Variants in SPATA13 observed in about 807,000 individuals in gnomAD.
SPATA13 encodes the protein spermatogenesis-associated protein 13.
SPATA13 carries 50 observed loss-of-function variants against 104.0 expected under a neutral mutation model. The observed-to-expected ratio is 0.48, with a 90% CI of 0.38 to 0.61. The LOEUF (loss-of-function observed/expected upper bound fraction) is 0.61. Ranked by LOEUF, SPATA13 falls within the 20% of genes least tolerant of loss-of-function variation. The pLI, the probability that SPATA13 is intolerant of heterozygous loss-of-function variation, is 0.00. For missense variants in SPATA13, 1,524 were observed against 1,690.6 expected, an observed-to-expected ratio of 0.90 and a Z score of 1.73; for synonymous variants, 606 against 667.5, an observed-to-expected ratio of 0.91 and a Z score of 1.42.
At chr13:24,174,457 AT>A (rs963861741) in intron 1 of SPATA13, among the ~76,000 whole-genome samples, 2 of 151,620 alleles carry the variant, frequency 1.3e-5, no homozygotes, top group Non-Finnish European at 2.9e-5. Flanking sequence ...TTATATGAGC[AT>A]TTCGTGCTAT....
At chr13:24,127,700 C>T (rs780089698) in intron 3 of SPATA13, among the ~76,000 whole-genome samples, 18 of 152,138 alleles carry the variant, frequency 1.2e-4, no homozygotes, top group Admixed American at 1.0e-3. Flanking sequence ...AGATAATATG[C>T]GCCCATCAAT....
At chr13:24,044,798 G>A (rs551194308) in intron 3 of SPATA13, among the ~76,000 whole-genome samples, 1 of 149,252 alleles carries the variant, frequency 6.7e-6, no homozygotes. Context: ...AGGCACAGAA[G>A]GACAAATACT....
At chr13:23,991,233 C>G (rs1875399214) in intron 2 of SPATA13, among the ~76,000 whole-genome samples, 2 of 152,160 alleles carry the variant, frequency 1.3e-5, no homozygotes, top group Non-Finnish European at 2.9e-5. Context: ...CGTCTAAGAA[C>G]CTGTGCTGTC....
intron 1 of SPATA13, among the ~76,000 whole-genome samples, chr13:24,167,777 T>C (rs938017674): frequency 3.3e-5 from 5 of 152,258 alleles, no homozygotes; most frequent in Non-Finnish European, 7.3e-5. Flanking sequence ...CATGTATTTC[T>C]AAACATTATT....
intron 4 of SPATA13, among the ~76,000 whole-genome samples, chr13:24,269,859 G>A (rs571017177): frequency 2.7e-5 from 4 of 149,660 alleles, no homozygotes; most frequent in Non-Finnish European, 4.4e-5. Context: ...AAAGTGTTGG[G>A]ATTACAGGTG....
intron 4 of SPATA13, chr13:24,270,858 A>T: frequency 6.2e-7 from 1 of 1,612,720 alleles, no homozygotes. Flanking sequence ...AAACAGAAGG[A>T]TGGTAGCTAG....
rs75353251 is a variant in SPATA13 at position 24,057,545 on chromosome 13, G to A, written c.-112+39844G>A. Among the ~76,000 whole-genome samples, 461 of 152,266 alleles carry A rather than the reference G, an allele frequency of 3.0e-3. 1 individual carries two copies. The highest frequency in any genetic ancestry group is 0.011 in the African/African-American group (438 of 41,536). The stretch of plus-strand genomic sequence containing the variant: ...CTGCATGAATGTCTTATGACCAAAG[G>A]CACTGAAAGGACTGGTGCAGGGCTG... On this transcript the variant is annotated intron_variant, in intron 3 of 14. Transcript: ENST00000424834.
intron 3 of SPATA13, chr13:24,122,823 A>G (rs1881081490): frequency 5.2e-6 from 4 of 774,368 alleles, no homozygotes; most frequent in Admixed American, 3.4e-5. Context: ...CAAACTGTGC[A>G]CTAAAGAGAA....
chr13:24,303,390 C>T lies in SPATA13; in HGVS notation c.*617C>T. 1 of 202,744 alleles carries T rather than the reference C, an allele frequency of 4.9e-6. No individual in the cohort carries two copies. The highest frequency in any genetic ancestry group is 5.8e-5 in the Admixed American group (1 of 17,198). 12.6% of individuals were successfully genotyped at this position (202,744 alleles called of 1,614,324 possible). ...ATGTCATCCTGCAAGGTTCCTCTTCCTGCAAGCAAAGTGGAGAGAAAGAAG... is the reference window on the plus strand; with the variant it reads ...ATGTCATCCTGCAAGGTTCCTCTTCTTGCAAGCAAAGTGGAGAGAAAGAAG... On this transcript the variant is annotated 3_prime_UTR_variant, in exon 13 of 13. Transcript: ENST00000382108.
rs1461150753 is a variant in SPATA13, at chr13:24,136,501, AAGTG to A, written c.-111-86315_-111-86312del. ...AAAAAAGAAAGAGAAGAAAGAAAGAAAGTGAGAGAGAGGGAGAGAGAAAAAGAGA... is the reference window on the plus strand; with the variant it reads ...AAAAAAGAAAGAGAAGAAAGAAAGAAAGAGAGAGGGAGAGAGAAAAAGAGA... On this transcript the variant is annotated intron_variant, in intron 3 of 14. Coordinates refer to the SPATA13 transcript ENST00000424834. Among the ~76,000 whole-genome samples, 527 of 138,234 alleles carry A rather than the reference AAGTG, an allele frequency of 3.8e-3. 4 individuals are homozygous for A. The highest frequency in any genetic ancestry group is 0.012 in the African/African-American group (449 of 38,140). The allele number at this position is 138,234 out of a possible 152,430, so 90.7% of individuals were successfully genotyped here. A position where few individuals can be genotyped will look rare whatever the true frequency, so the allele number is the denominator to read the frequency against.
chr13:24,106,135 G>A (rs9551060), intron 3 of SPATA13, among the ~76,000 whole-genome samples: 72,608 of 151,966 alleles, frequency 0.48, 17,787 homozygotes, highest in Non-Finnish European at 0.53. Context: ...CTGGACTCTT[G>A]CAACCCTCCT....
chr13:24,258,751 A>G lies in SPATA13; in HGVS notation c.2164+6889A>G, dbSNP rs183282587. On this transcript the variant is annotated intron_variant, in intron 4 of 12. Coordinates refer to ENST00000382108, the MANE Select transcript of SPATA13 (RefSeq NM_001166271.3). ...AATTTTGAAAATAAATGTCTTAGTG[A>G]TAAATCCAGCATGCTACATTTCCCC... Among the ~76,000 whole-genome samples, 325 of 152,358 alleles carry G rather than the reference A, an allele frequency of 2.1e-3. 2 individuals carry two copies. The highest frequency in any genetic ancestry group is 6.5e-3 in the African/African-American group (269 of 41,580).
intron 3 of SPATA13, among the ~76,000 whole-genome samples, chr13:24,144,134 T>C (rs2138461857): frequency 6.6e-6 from 1 of 152,196 alleles, no homozygotes; most frequent in South Asian, 2.1e-4. Context: ...ATTATTGTGA[T>C]CCCACTTCTC....
At chr13:24,290,583 A>C in intron 8 of SPATA13, 69 bp from the exon 9 acceptor site, 1 of 1,169,340 alleles carries the variant, frequency 8.6e-7, no homozygotes, top group Non-Finnish European at 1.3e-6. Flanking sequence ...GAGGGCTGGG[A>C]TGATGCCTGT....
intron 1 of SPATA13, among the ~76,000 whole-genome samples, chr13:24,188,269 A>G (rs1291761975): frequency 6.6e-6 from 1 of 151,912 alleles, no homozygotes; most frequent in Non-Finnish European, 1.5e-5. Context: ...TGAACCTGGG[A>G]GGCAGTGAGT....
At chr13:24,130,269 G>T (rs1881352400) in intron 3 of SPATA13, among the ~76,000 whole-genome samples, 1 of 152,224 alleles carries the variant, frequency 6.6e-6, no homozygotes, top group Non-Finnish European at 1.5e-5. Context: ...CACACGGCCA[G>T]TGGGACTAGG....
At chr13:24,162,026 C>T (rs529165053) in intron 1 of SPATA13, among the ~76,000 whole-genome samples, 3 of 152,250 alleles carry the variant, frequency 2.0e-5, no homozygotes, top group Admixed American at 2.0e-4. Flanking sequence ...ATGTCCCCCT[C>T]CCCCGTCTTG....
At chr13:23,987,129 T>G (rs186832150) in intron 2 of SPATA13, among the ~76,000 whole-genome samples, 186 of 151,720 alleles carry the variant, frequency 1.2e-3, no homozygotes, top group African/African-American at 4.2e-3. Context: ...CTGAACCTGT[T>G]AGTAAAATGA....
chr13:24,004,062 A>C (rs908220781), intron 2 of SPATA13, among the ~76,000 whole-genome samples: 2 of 151,946 alleles, frequency 1.3e-5, no homozygotes, highest in Admixed American at 1.3e-4. Context: ...CCTGGTGGGC[A>C]CTCCTGGGCT....
Sources: allele counts gnomAD v4.1 joint callset (sites outside exome capture counted in the v4.1 genomes callset), GRCh38; gene constraint gnomAD v4.1.1; transcripts MANE v1.5; gene names NCBI Gene and HGNC (gene_info 2026-07-23, HGNC 2026-07-21).